Variants in TLE2 observed in about 807,000 individuals in gnomAD.
TLE2 encodes transducin-like enhancer protein 2.
In TLE2, 74 loss-of-function variants were observed where a neutral mutation model predicts 97.2. That is an observed-to-expected ratio of 0.76 (90% CI 0.63 to 0.92). The LOEUF is 0.92. TLE2 is among the 40% of genes least tolerant of loss of function. The pLI is 0.00. For missense variants in TLE2, 1,038 were observed against 1,008.7 expected, an observed-to-expected ratio of 1.03 and a Z score of -0.39; for synonymous variants, 499 against 432.1, an observed-to-expected ratio of 1.15 and a Z score of -1.92.
intron 1 of TLE2, among the ~76,000 whole-genome samples, chr19:3,038,392 T>C (rs2090076599): frequency 6.6e-6 from 1 of 152,152 alleles, no homozygotes; most frequent in Admixed American, 6.6e-5. Flanking sequence ...AAAAATTTTT[T>C]TGTAGAGACA....
In TLE2 at chr19:3,002,425, C is replaced by T. The variant is rs765260863; in HGVS notation, c.1975G>A (p.Val659Ile). ...MESSNVEILH[V>I]RKPEKYQLHL... The stretch of plus-strand genomic sequence containing the variant: ...AGCTGGTATTTCTCCGGCTTGCGGA[C>T]GTGCAGGATCTCCACGTTGCTACTC... The change falls in exon 18 of 20, where the codon GTC becomes ATC. Residue 659 changes from valine (V) to isoleucine (I), a missense_variant. By Grantham distance (29) the Val-to-Ile change is conservative. Coordinates refer to ENST00000262953, the MANE Select transcript of TLE2 (RefSeq NM_003260.5). 2.5e-5 allele frequency: 40 copies of T among 1,613,204 alleles called. No homozygotes were observed. Among genetic ancestry groups the T allele is most frequent in the Non-Finnish European group, 3.2e-5 (38 of 1,179,706 alleles).
At chr19:3,035,800 C>G (rs914983146) in intron 1 of TLE2, among the ~76,000 whole-genome samples, 1 of 152,168 alleles carries the variant, frequency 6.6e-6, no homozygotes, top group Non-Finnish European at 1.5e-5. Flanking sequence ...GCTCGGCGCT[C>G]CCGGCGGGGT....
chr19:3,018,358 A>G (rs558536331), intron 7 of TLE2, among the ~76,000 whole-genome samples: 1 of 151,864 alleles, frequency 6.6e-6, no homozygotes, highest in Admixed American at 6.6e-5. Flanking sequence ...CCCAGGCTGG[A>G]CTTGGCTCAC....
upstream of TLE2, among the ~76,000 whole-genome samples, chr19:3,046,932 G>GCCTCCCCCTCCTCCTCCTCCC (rs1555696152): frequency 2.0e-5 from 2 of 100,406 alleles, no homozygotes; most frequent in African/African-American, 8.1e-5. Context: ...CCCCTCCTCT[G>GCCTCCCCCTCCTCCTCCTCCC]CCTCCCCCTC....
intron 11 of TLE2, among the ~76,000 whole-genome samples, chr19:3,012,649 A>C (rs1243935170): frequency 1.3e-5 from 2 of 152,276 alleles, no homozygotes; most frequent in African/African-American, 2.4e-5. Context: ...TTGAGCCCCC[A>C]CAGAGAGGGA....
In TLE2 at chr19:3,015,780, G is replaced by A. The variant is rs769952424; in HGVS notation, c.571-20C>T. The stretch of plus-strand genomic sequence containing the variant: ...TGCACTCTGCGGAGAGACAAAGGCC[G>A]GGGGGAGAAAGGGTCAGGGCCCTGG... On this transcript the variant is annotated intron_variant, in intron 8 of 19. Transcript: ENST00000262953. 2.6e-5 allele frequency: 41 copies of A among 1,568,410 alleles called. No homozygotes were observed. The Admixed American group carries it at 2.7e-4, about 10-fold the overall frequency.
chr19:3,012,278 C>T (rs945695026), intron 11 of TLE2, among the ~76,000 whole-genome samples: 14 of 148,896 alleles, frequency 9.4e-5, no homozygotes, highest in African/African-American at 3.0e-4. Flanking sequence ...ACAAAAGGCA[C>T]GATCATAGCT....
chr19:3,014,758 T>A, intron 9 of TLE2, 144 bp from the exon 10 acceptor site: 1 of 754,704 alleles, frequency 1.3e-6, no homozygotes, highest in East Asian at 3.4e-5. Flanking sequence ...CGTTTGCTCA[T>A]AGCAGAAGGG....
intron 16 of TLE2, 29 bp from the exon 17 acceptor site, chr19:3,005,613 C>T: frequency 6.2e-7 from 1 of 1,611,878 alleles, no homozygotes; most frequent in Non-Finnish European, 8.5e-7. Flanking sequence ...AGGCGTCCAT[C>T]CTGGAATTCG....
In TLE2 at chr19:3,005,538, C is replaced by G. The variant is rs753759337; in HGVS notation, c.1795G>C (p.Asp599His). The G allele has an allele frequency of 1.7e-5, 28 of 1,613,574 alleles. No individual in the cohort carries two copies. The highest frequency in any genetic ancestry group is 2.4e-5 in the Non-Finnish European group (28 of 1,179,754). Residue 599 changes from aspartate to histidine, a missense_variant, in exon 17 of 20, where the codon GAT (aspartate) becomes CAT (histidine). Coordinates refer to ENST00000262953, the MANE Select transcript of TLE2 (RefSeq NM_003260.5). ...CCTGTCCAGAGCCGAGTGCCGTAAT[C>G]GGAAATATCAATGCAGCTGGCGCCG... ...TDGASCIDIS[D>H]YGTRLWTGGL...
At chr19:3,031,233 T>C (rs2090021946), upstream of TLE2, among the ~76,000 whole-genome samples, 1 of 152,010 alleles carries the variant, frequency 6.6e-6, no homozygotes, top group African/African-American at 2.4e-5. Context: ...GTGGGGTGTC[T>C]GGGAGAGGAC....
chr19:3,006,760 G>C, intron 14 of TLE2, 91 bp from the exon 15 acceptor site: 1 of 1,469,934 alleles, frequency 6.8e-7, no homozygotes, highest in East Asian at 2.4e-5. Flanking sequence ...TGTCCTGCCT[G>C]GCACCCTCTG....
intron 14 of TLE2, 123 bp downstream of exon 14, chr19:3,008,746 C>T (rs754996688): frequency 2.8e-5 from 20 of 707,366 alleles, no homozygotes; most frequent in Non-Finnish European, 3.6e-5. Context: ...CCACTGTGCC[C>T]GGCCCACACA....
At chr19:3,030,592 A>T (rs77429945), upstream of TLE2, among the ~76,000 whole-genome samples, 2,638 of 152,156 alleles carry the variant, frequency 0.017, 27 homozygotes, top group Middle Eastern at 0.044. Flanking sequence ...TTAGGGTTAC[A>T]AAAACCCATT....
upstream of TLE2, among the ~76,000 whole-genome samples, chr19:3,032,860 T>C (rs2090035726): frequency 6.6e-6 from 1 of 152,024 alleles, no homozygotes; most frequent in South Asian, 2.1e-4. This position sits in a 1 kb window ranked among gnomAD's most constrained non-coding sequence, Gnocchi z 4.1. Flanking sequence ...ACATCTCCCC[T>C]GCCTGGACCT....
intron 19 of TLE2, 21 bp from the exon 20 acceptor site, chr19:2,997,976 G>C: frequency 1.9e-6 from 3 of 1,576,236 alleles, no homozygotes; most frequent in Non-Finnish European, 2.6e-6. Flanking sequence ...AAGGGAGAGA[G>C]AAAAGGGCAC....
intron 14 of TLE2, 93 bp from the exon 15 acceptor site, chr19:3,006,762 C>T (rs1405502860): frequency 3.9e-5 from 57 of 1,467,984 alleles, no homozygotes; most frequent in Non-Finnish European, 5.2e-5. Flanking sequence ...TCCTGCCTGG[C>T]ACCCTCTGAT....
upstream of TLE2, among the ~76,000 whole-genome samples, chr19:3,031,000 G>T (rs1380454667): frequency 6.7e-6 from 1 of 150,204 alleles, no homozygotes; most frequent in Non-Finnish European, 1.5e-5. Flanking sequence ...TCGTTTTCCA[G>T]CCCACAGATA....
chr19:3,019,435 G>A lies in TLE2; in HGVS notation c.398C>T (p.Ala133Val). Residue 133 changes from alanine to valine, a missense_variant, in exon 7 of 20, where the codon GCA becomes GTA. Ala to Val is a moderately conservative substitution (Grantham distance 64, BLOSUM62 0). Coordinates refer to ENST00000262953, the MANE Select transcript of TLE2 (RefSeq NM_003260.5). This position sits in a 1 kb window ranked among gnomAD's most constrained non-coding sequence, Gnocchi z 5.1. The part of the protein sequence containing the change: ...GQQLQPLSHH[A>V]PPVPLTPRPA... ...GCGGGGGGTGAGGGGCACAGGGGGTGCGTGGTGGGACAGCGGCTGGAGCTG... is the reference window on the plus strand; with the variant it reads ...GCGGGGGGTGAGGGGCACAGGGGGTACGTGGTGGGACAGCGGCTGGAGCTG... The A allele has an allele frequency of 6.5e-7, 1 of 1,533,026 alleles. No homozygotes were observed. The highest frequency in any genetic ancestry group is 8.7e-7 in the Non-Finnish European group (1 of 1,144,992). 95.0% of individuals were successfully genotyped at this position (1,533,026 alleles called of 1,614,324 possible). A position where few individuals can be genotyped will look rare whatever the true frequency, so the allele number is the denominator to read the frequency against.
Sources: allele counts gnomAD v4.1 joint callset (sites outside exome capture counted in the v4.1 genomes callset), GRCh38; gene constraint gnomAD v4.1.1; non-coding constraint Gnocchi (gnomAD v3.1); transcripts MANE v1.5; gene names NCBI Gene and HGNC (gene_info 2026-07-23, HGNC 2026-07-21).